The following PLEKHB2 variants were observed in gnomAD, a reference collection of about 807,000 sequenced individuals.
The protein encoded by PLEKHB2 is pleckstrin homology domain containing B2, also known as pleckstrin homology domain-containing family B member 2.
Under a neutral mutation model 36.5 loss-of-function variants are expected in PLEKHB2, and 31 were observed. The ratio of observed to expected loss-of-function variants is 0.85; its 90% CI spans 0.64 to 1.15. The LOEUF (loss-of-function observed/expected upper bound fraction) is 1.15, where lower values mean the gene tolerates loss of function less well. Ranked by LOEUF, PLEKHB2 falls within the 50% of genes most tolerant of loss-of-function variation. The pLI is 0.00. For synonymous variants in PLEKHB2, 119 were observed against 112.0 expected (o/e 1.06, Z -0.39); for missense variants, 262 against 295.3 (o/e 0.89, Z 0.83).
At chr2:131,145,723 A>G (rs891207818) in intron 7 of PLEKHB2, among the ~76,000 whole-genome samples, 3 of 152,252 alleles carry the variant, frequency 2.0e-5, no homozygotes, top group Admixed American at 1.3e-4. Context: ...CTACTTAGCT[A>G]CTAGGCATTA....
chr2:131,121,752 T>A (rs763910659), intron 2 of PLEKHB2, among the ~76,000 whole-genome samples: 7 of 152,144 alleles, frequency 4.6e-5, no homozygotes, highest in Non-Finnish European at 8.8e-5. Flanking sequence ...AAAACTTTTG[T>A]GTCTCCAAAA....
chr2:131,121,452 T>C (rs1028235447), intron 2 of PLEKHB2, among the ~76,000 whole-genome samples: 1 of 152,066 alleles, frequency 6.6e-6, no homozygotes, highest in South Asian at 2.1e-4. Flanking sequence ...TTCTCCCTGT[T>C]GGCCAGGCTG....
intron 6 of PLEKHB2, among the ~76,000 whole-genome samples, chr2:131,136,515 A>T (rs952853643): frequency 6.6e-6 from 1 of 151,668 alleles, no homozygotes; most frequent in African/African-American, 2.4e-5. Context: ...TAATATGATC[A>T]TGAGATTTTT....
At chr2:131,112,812 A>T (rs1391828607) in intron 1 of PLEKHB2, among the ~76,000 whole-genome samples, 1 of 152,194 alleles carries the variant, frequency 6.6e-6, no homozygotes, top group Non-Finnish European at 1.5e-5. Context: ...CCCTTTAAAC[A>T]GTTAACCCTG....
At position 131,121,358 on chromosome 2, in the gene PLEKHB2, C is replaced by T. The variant is rs192358590; in HGVS notation, c.37+380C>T. Among the ~76,000 whole-genome samples the T allele has an allele frequency of 3.2e-3, 492 of 152,290 alleles. 1 individual carries two copies. Among genetic ancestry groups the T allele is most frequent in the Non-Finnish European group, 5.1e-3 (344 of 68,022 alleles). On this transcript the variant is annotated intron_variant, in intron 2 of 7. Transcript: ENST00000693505. ...CCGCTTCCTGGGTTCAAGTGATTCT[C>T]CTGCCTCAGCCTCCCGAGTAGCTGG... is the stretch of plus-strand genomic sequence containing the variant.
At position 131,146,959 on chromosome 2, in the gene PLEKHB2, T is replaced by A; in HGVS notation, c.*186T>A. ...GAGAAGGGTTTGAACTGTGCTATTT[T>A]GTTCAAATGTTGACTCTCCGGGGGC... On this transcript the variant is annotated 3_prime_UTR_variant, in exon 8 of 8. Coordinates refer to ENST00000693505, the MANE Select transcript of PLEKHB2 (RefSeq NM_001100623.2). The A allele has an allele frequency of 2.1e-6, 1 of 472,478 alleles. No homozygotes were observed. The highest frequency in any genetic ancestry group is 3.6e-6 in the Non-Finnish European group (1 of 276,644). 29.3% of individuals were successfully genotyped at this position (472,478 alleles called of 1,614,324 possible). A position where few individuals can be genotyped will look rare whatever the true frequency, so the allele number is the denominator to read the frequency against.
chr2:131,120,640 G>T, intron 1 of PLEKHB2: 1 of 469,748 alleles, frequency 2.1e-6, no homozygotes, highest in Non-Finnish European at 3.9e-6. Context: ...CCTTGACAGA[G>T]CTAAATCCTG....
At position 131,112,794 on chromosome 2, in the gene PLEKHB2, C is replaced by A. The variant is rs554866793; in HGVS notation, c.-9+7396C>A. On this transcript the variant is annotated intron_variant, in intron 1 of 7. Transcript: ENST00000693505. Reference sequence around the variant, plus strand: ...TACAGGAAAGGGAAGATTAAAAAAACCCCAAGTCCCTTTAAACAGTTAACC... The same window carrying A: ...TACAGGAAAGGGAAGATTAAAAAAAACCCAAGTCCCTTTAAACAGTTAACC... Among the ~76,000 whole-genome samples, 228 of 152,268 alleles carry A rather than the reference C, an allele frequency of 1.5e-3. 1 individual carries two copies. The highest frequency in any genetic ancestry group is 5.3e-3 in the African/African-American group (222 of 41,552).
In PLEKHB2 at chr2:131,146,656, T is replaced by G; in HGVS notation, c.552T>G (p.Pro184=). The change falls in exon 8 of 8, where the codon CCT becomes CCG. Residue 184 remains proline (P), a synonymous_variant. Transcript: ENST00000693505. ...YPYAGLYGQQ[P]ANQVIIRERY... The stretch of plus-strand genomic sequence containing the variant: ...TTTTAGGACTTTATGGACAGCAGCC[T>G]GCTAACCAAGTCATCATTCGAGAGC... 2.5e-6 allele frequency: 4 copies of G among 1,613,414 alleles called. No individual in the cohort carries two copies. Among genetic ancestry groups the G allele is most frequent in the Non-Finnish European group, 3.4e-6 (4 of 1,179,794 alleles).
chr2:131,110,324 T>C (rs186543809), intron 1 of PLEKHB2, among the ~76,000 whole-genome samples: 1 of 151,844 alleles, frequency 6.6e-6, no homozygotes, highest in Non-Finnish European at 1.5e-5. Flanking sequence ...ACTGTTTTTT[T>C]TTTTTTTTTT....
chr2:131,137,591 GTC>G (rs1256670732), intron 6 of PLEKHB2, among the ~76,000 whole-genome samples: 1 of 152,182 alleles, frequency 6.6e-6, no homozygotes, highest in Non-Finnish European at 1.5e-5. Context: ...TGTCTGCAGA[GTC>G]TATAGTAAAA....
At chr2:131,130,838 T>A in intron 5 of PLEKHB2, 78 bp downstream of exon 5, 7 of 1,018,066 alleles carry the variant, frequency 6.9e-6, no homozygotes, top group Non-Finnish European at 1.1e-5. Flanking sequence ...TTGAGTGCAG[T>A]GGTGCTGTCT....
intron 7 of PLEKHB2, among the ~76,000 whole-genome samples, chr2:131,145,334 TTTTC>T (rs1393472904): frequency 6.6e-6 from 1 of 152,162 alleles, no homozygotes; most frequent in African/African-American, 2.4e-5. Flanking sequence ...GACTAGTTTT[TTTTC>T]TTTTCTTTTT....
chr2:131,117,410 A>C (rs902544894), intron 1 of PLEKHB2, among the ~76,000 whole-genome samples: 8 of 152,182 alleles, frequency 5.3e-5, no homozygotes, highest in African/African-American at 9.7e-5. Flanking sequence ...CGATGGCACA[A>C]ACAAAGAAAC....
intron 6 of PLEKHB2, among the ~76,000 whole-genome samples, chr2:131,133,757 T>C (rs1697953790): frequency 6.6e-6 from 1 of 152,240 alleles, no homozygotes; most frequent in South Asian, 2.1e-4. Context: ...GTTCTCCAGC[T>C]CTATAGTTTT....
At chr2:131,130,699 G>C in intron 4 of PLEKHB2, 22 bp from the exon 5 acceptor site, 1 of 1,578,328 alleles carries the variant, frequency 6.3e-7, no homozygotes, top group Non-Finnish European at 8.7e-7. Flanking sequence ...CTTAAATAAA[G>C]TACCCTTTTT....
At position 131,144,839 on chromosome 2, in the gene PLEKHB2, T is replaced by C. The variant is rs139415916; in HGVS notation, c.533-1798T>C. On this transcript the variant is annotated intron_variant, in intron 7 of 7. Transcript: ENST00000693505. Reference sequence around the variant, plus strand: ...TAGATTTTCCATGGGACCTTTTCATTAGGTCAGCTCACAAGTTCTATTGTG... The same window carrying C: ...TAGATTTTCCATGGGACCTTTTCATCAGGTCAGCTCACAAGTTCTATTGTG... Among the ~76,000 whole-genome samples, 44 of 152,350 alleles carry C rather than the reference T, an allele frequency of 2.9e-4. 1 individual carries two copies. The highest frequency in any genetic ancestry group is 9.9e-4 in the African/African-American group (41 of 41,572).
chr2:131,135,370 G>A (rs1559094971), intron 6 of PLEKHB2, among the ~76,000 whole-genome samples: 1 of 152,080 alleles, frequency 6.6e-6, no homozygotes, highest in South Asian at 2.1e-4. Context: ...CCTGGTCGGC[G>A]CCTGTAAACT....
intron 2 of PLEKHB2, among the ~76,000 whole-genome samples, chr2:131,122,728 T>A (rs1696641523): frequency 6.6e-6 from 1 of 152,236 alleles, no homozygotes. Context: ...TGTGACTAGT[T>A]CCATGTTCCC....
Sources: gnomAD v4.1 joint callset for allele counts (sites outside exome capture counted in the v4.1 genomes callset) on GRCh38, gnomAD v4.1.1 for gene constraint, MANE v1.5 for transcripts, NCBI Gene and HGNC (gene_info 2026-07-23, HGNC 2026-07-21) for gene names.